ACTN2: variants seen among roughly 807,000 people sequenced by gnomAD.
ACTN2 encodes the protein alpha-actinin-2.
Under a neutral mutation model 113.8 loss-of-function variants are expected in ACTN2, and 39 were observed. That is an observed-to-expected ratio of 0.34 (90% CI 0.27 to 0.45). The LOEUF (loss-of-function observed/expected upper bound fraction) is 0.45. ACTN2 is among the 20% of genes least tolerant of loss of function. The pLI, the probability that ACTN2 is intolerant of heterozygous loss-of-function variation, is 1.00. For missense variants in ACTN2, 992 were observed against 1,177.9 expected (o/e 0.84, Z 2.31); for synonymous variants, 429 against 444.1 (o/e 0.97, Z 0.43).
At chr1:236,715,839 C>T (rs1237320634) in intron 1 of ACTN2, among the ~76,000 whole-genome samples, 2 of 152,182 alleles carry the variant, frequency 1.3e-5, no homozygotes, top group African/African-American at 2.4e-5. Flanking sequence ...ACCTGTATTC[C>T]TAGCTACTAG....
At chr1:236,745,766 A>G (rs1190766357) in intron 12 of ACTN2, among the ~76,000 whole-genome samples, 1 of 152,172 alleles carries the variant, frequency 6.6e-6, no homozygotes, top group African/African-American at 2.4e-5. Flanking sequence ...TTTCCCCACC[A>G]TTATAATCAC....
At chr1:236,755,796 C>T (rs373374115) in intron 17 of ACTN2, among the ~76,000 whole-genome samples, 2 of 29,200 alleles carry the variant, frequency 6.8e-5, no homozygotes, top group African/African-American at 1.1e-4. Context: ...GCAGAGTGCC[C>T]GCTGCCACTG....
chr1:236,749,416 T>A, intron 14 of ACTN2, 152 bp downstream of exon 14: 1 of 959,220 alleles, frequency 1.0e-6, no homozygotes, highest in Non-Finnish European at 1.6e-6. Flanking sequence ...AACCTTAGCT[T>A]AAAAATGTGT....
intron 1 of ACTN2, among the ~76,000 whole-genome samples, chr1:236,715,894 T>C (rs1658190718): frequency 6.6e-6 from 1 of 152,116 alleles, no homozygotes; most frequent in South Asian, 2.1e-4. Context: ...AGGCGGAGAT[T>C]GCGGTGAGCT....
At chr1:236,732,125 A>G (rs1038022587) in intron 7 of ACTN2, among the ~76,000 whole-genome samples, 1 of 152,248 alleles carries the variant, frequency 6.6e-6, no homozygotes, top group African/African-American at 2.4e-5. Flanking sequence ...AACTAAGGAA[A>G]TTGATTATAG....
Position 236,742,984 on chromosome 1 carries a change from T to C in ACTN2, c.1196T>C (p.Leu399Ser). The C allele has an allele frequency of 6.2e-7, 1 of 1,614,166 alleles. No individual in the cohort carries two copies. The highest frequency in any genetic ancestry group is 8.5e-7 in the Non-Finnish European group (1 of 1,180,042). The change falls in exon 11 of 21, where the codon TTG becomes TCG. Residue 399 changes from leucine to serine, a missense_variant. This residue lies in a region of ACTN2 where 736 missense variants were observed against 815.4 expected (regional missense o/e 0.90). Transcript: ENST00000366578. The stretch of plus-strand genomic sequence containing the variant: ...AATGAGATTCGGAGACTGGAGCGCT[T>C]GGAACACCTGGCTGAGAAGTTCAGG... The part of the protein sequence containing the change: ...LLNEIRRLER[L>S]EHLAEKFRQK...
chr1:236,736,981 T>C (rs1658896795), intron 8 of ACTN2, 141 bp from the exon 9 acceptor site: 1 of 698,786 alleles, frequency 1.4e-6, no homozygotes, highest in East Asian at 2.8e-5. Flanking sequence ...ATGCCTTCAG[T>C]CTGACCGCAC....
chr1:236,719,043 CCACACTGACCTAATAGCGT>C (rs1345797688), intron 3 of ACTN2, 30 bp downstream of exon 3: 20 of 1,612,732 alleles, frequency 1.2e-5, no homozygotes, highest in Non-Finnish European at 1.7e-5. Context: ...GTCCTGTCTG[CCACACTGACCTAATAGCGT>C]AGGTGTGGGC....
chr1:236,716,287 A>C (rs1260384727), intron 1 of ACTN2, among the ~76,000 whole-genome samples: 2 of 152,122 alleles, frequency 1.3e-5, no homozygotes, highest in African/African-American at 4.8e-5. Flanking sequence ...TCTTGAACAC[A>C]AACCCTGTTT....
intron 12 of ACTN2, among the ~76,000 whole-genome samples, chr1:236,745,528 C>T (rs1659208136): frequency 6.6e-6 from 1 of 152,210 alleles, no homozygotes; most frequent in Non-Finnish European, 1.5e-5. Flanking sequence ...CTTTATCATC[C>T]CCTAAGTGCT....
chr1:236,695,134 A>T (rs948789111), intron 1 of ACTN2, among the ~76,000 whole-genome samples: 51 of 151,292 alleles, frequency 3.4e-4, no homozygotes, highest in African/African-American at 1.2e-3. Context: ...TGGGAGGCTG[A>T]GGCAGGTGAA....
At chr1:236,741,057 T>C (rs1287039941) in intron 10 of ACTN2, among the ~76,000 whole-genome samples, 1 of 151,980 alleles carries the variant, frequency 6.6e-6, no homozygotes, top group Non-Finnish European at 1.5e-5. Context: ...TTTTTCCTTT[T>C]TTTTAAAAAC....
At chr1:236,752,116 G>C (rs1659413500) in intron 15 of ACTN2, among the ~76,000 whole-genome samples, 1 of 152,166 alleles carries the variant, frequency 6.6e-6, no homozygotes, top group African/African-American at 2.4e-5. Flanking sequence ...TTACTAACTT[G>C]CAGCCTTTTA....
rs67318171 is a variant in ACTN2, at chr1:236,737,298, C to CATAT, written c.876+101_876+104dup. The CATAT allele has an allele frequency of 1.2e-3, 397 of 344,186 alleles. 19 individuals are homozygous for CATAT. The highest frequency in any genetic ancestry group is 6.7e-3 in the African/African-American group (268 of 39,728). The allele number at this position is 344,186 out of a possible 1,614,324, so 21.3% of individuals were successfully genotyped here. On this transcript the variant is annotated intron_variant, in intron 9 of 20. Transcript: ENST00000366578. ...AGGGTGAAAAAATACTCCGTGGGGG[C>CATAT]ATATATATATATATATATATTTTGC...
rs781746567 is a variant in ACTN2 at position 236,686,795 on chromosome 1, G to A, written c.122G>A (p.Arg41Lys). ...LLDPAWEKQQ[R>K]KTFTAWCNSH... ...GACCCAGCCTGGGAGAAGCAGCAGA[G>A]GAAGGTCAGCAGGGGCCCGCGGGCC... Residue 41 changes from arginine to lysine, a missense_variant, in exon 1 of 21, where the codon AGG (arginine) becomes AAG (lysine). Transcript: ENST00000366578. The A allele has an allele frequency of 6.6e-7, 1 of 1,517,782 alleles. No homozygotes were observed. Among genetic ancestry groups the A allele is most frequent in the East Asian group, 2.7e-5 (1 of 36,778 alleles). 94.0% of individuals were successfully genotyped at this position (1,517,782 alleles called of 1,614,324 possible).
intron 7 of ACTN2, among the ~76,000 whole-genome samples, chr1:236,735,389 G>A (rs560560877): frequency 6.6e-6 from 1 of 152,068 alleles, no homozygotes; most frequent in African/African-American, 2.4e-5. Flanking sequence ...ATCAAGGGGT[G>A]GGGGAGAAAA....
chr1:236,695,571 C>CCCG lies in ACTN2; in HGVS notation c.126+8773_126+8774insCGC, dbSNP rs1553296775. ...TTTGATTTGAAATGAGTTCCCCCCC[C>CCCG]CTGCCCAGATTGAAAACCTTCACCC... On this transcript the variant is annotated intron_variant, in intron 1 of 20. Coordinates refer to ENST00000366578, the MANE Select transcript of ACTN2 (RefSeq NM_001103.4). Among the ~76,000 whole-genome samples, 21 of 122,204 alleles carry CCCG rather than the reference C, an allele frequency of 1.7e-4. 1 individual carries two copies. In the South Asian group the frequency reaches 6.4e-3, roughly 37 times the overall value. The allele number at this position is 122,204 out of a possible 152,430, so 80.2% of individuals were successfully genotyped here.
At chr1:236,726,123 C>G (rs534593278) in intron 5 of ACTN2, 103 bp downstream of exon 5, 29 of 1,033,534 alleles carry the variant, frequency 2.8e-5, no homozygotes, top group South Asian at 2.7e-4. Context: ...GTCTGAGAAG[C>G]CTTTTATGTA....
rs750674913 is a variant in ACTN2, at chr1:236,744,765, G to A, written c.1395G>A (p.Ala465=). ...QDRVEQIAAI[A]QELNELDYHD... ...GCGTGGAGCAGATCGCAGCCATCGC[G>A]CAGGAGCTCAAGTATGTGCAGATGC... Residue 465 remains alanine, a synonymous_variant, in exon 12 of 21, where the codon GCG becomes GCA. Coordinates refer to ENST00000366578, the MANE Select transcript of ACTN2 (RefSeq NM_001103.4). 9 of 1,613,982 alleles carry A rather than the reference G, an allele frequency of 5.6e-6. No homozygotes were observed. Among genetic ancestry groups the A allele is most frequent in the East Asian group, 2.2e-5 (1 of 44,870 alleles).
Sources: allele counts gnomAD v4.1 joint callset (sites outside exome capture counted in the v4.1 genomes callset), GRCh38; gene constraint gnomAD v4.1.1; regional missense constraint gnomAD v4.1.1; transcripts MANE v1.5; gene names NCBI Gene and HGNC (gene_info 2026-07-23, HGNC 2026-07-21).